Variants in ARNT2 observed in about 807,000 individuals in gnomAD.
ARNT2 encodes the protein ARNT protein 2.
Under a neutral mutation model 91.7 loss-of-function variants are expected in ARNT2, and 36 were observed. That is an observed-to-expected ratio of 0.39 (90% confidence interval 0.30 to 0.52). The LOEUF (loss-of-function observed/expected upper bound fraction) is 0.52. Among genes scored for constraint, ARNT2 ranks in the 20% least tolerant of loss-of-function variants. The probability of loss-of-function intolerance (pLI) is 0.72; values close to 1 mark genes in which losing one functional copy is unlikely to be tolerated. For synonymous variants in ARNT2, 365 were observed against 347.1 expected (o/e 1.05, Z -0.57); for missense variants, 775 against 939.3 (o/e 0.83, Z 2.29).
chr15:80,484,305 G>T (rs1315307783), intron 5 of ARNT2, among the ~76,000 whole-genome samples: 2 of 152,182 alleles, frequency 1.3e-5, no homozygotes, highest in Non-Finnish European at 2.9e-5. Context: ...TTTGACTTAG[G>T]CCCCTTGAAA....
intron 12 of ARNT2, among the ~76,000 whole-genome samples, chr15:80,566,325 T>C (rs561808778): frequency 2.6e-5 from 4 of 152,270 alleles, no homozygotes; most frequent in Middle Eastern, 3.4e-3. Context: ...GTGATTCTCT[T>C]CCTGTTCATG....
At chr15:80,425,319 GTT>G (rs1895917813) in intron 1 of ARNT2, among the ~76,000 whole-genome samples, 1 of 151,962 alleles carries the variant, frequency 6.6e-6, no homozygotes, top group Non-Finnish European at 1.5e-5. Context: ...TTTTGTTTTT[GTT>G]TTTGTTTTTT....
intron 17 of ARNT2, among the ~76,000 whole-genome samples, chr15:80,590,242 T>C (rs2141488119): frequency 6.6e-6 from 1 of 152,208 alleles, no homozygotes; most frequent in East Asian, 1.9e-4. Flanking sequence ...ACCCAGAGCT[T>C]GACAGAGAGC....
At chr15:80,441,288 T>A (rs1226235856) in intron 1 of ARNT2, 5 of 984,816 alleles carry the variant, frequency 5.1e-6, no homozygotes, top group Non-Finnish European at 4.8e-6. Flanking sequence ...CTCCCAGAGG[T>A]TTCTGACATT....
intron 1 of ARNT2, among the ~76,000 whole-genome samples, chr15:80,449,310 G>C (rs923540590): frequency 1.3e-5 from 2 of 152,192 alleles, no homozygotes; most frequent in Non-Finnish European, 2.9e-5. Context: ...ATTGTCATCT[G>C]TCTTTGCTGT....
chr15:80,456,698 G>T (rs1896486626), intron 2 of ARNT2, among the ~76,000 whole-genome samples: 1 of 152,114 alleles, frequency 6.6e-6, no homozygotes, highest in Admixed American at 6.5e-5. Flanking sequence ...GGTAACCTGG[G>T]TGTCCTGTGC....
At chr15:80,578,312 A>C (rs1032441957) in intron 15 of ARNT2, among the ~76,000 whole-genome samples, 6 of 152,128 alleles carry the variant, frequency 3.9e-5, no homozygotes, top group African/African-American at 1.4e-4. Flanking sequence ...CCTCCTGACC[A>C]GGGCAGGGGT....
chr15:80,491,650 A>G (rs534010049), intron 5 of ARNT2, among the ~76,000 whole-genome samples: 2 of 152,254 alleles, frequency 1.3e-5, no homozygotes, highest in South Asian at 2.1e-4. Flanking sequence ...TTGCATTTTT[A>G]TATAGAAAGA....
intron 1 of ARNT2, among the ~76,000 whole-genome samples, chr15:80,448,627 A>G (rs927775981): frequency 6.6e-6 from 1 of 152,240 alleles, no homozygotes; most frequent in African/African-American, 2.4e-5. Flanking sequence ...AACAATGGCT[A>G]AGATCTCTTC....
intron 5 of ARNT2, among the ~76,000 whole-genome samples, chr15:80,505,671 T>C (rs939973717): frequency 6.6e-6 from 1 of 152,202 alleles, no homozygotes; most frequent in Admixed American, 6.5e-5. Flanking sequence ...AGGCAGGACT[T>C]AAAGCTAGGT....
intron 8 of ARNT2, among the ~76,000 whole-genome samples, chr15:80,544,308 A>G (rs927562642): frequency 6.6e-6 from 1 of 152,146 alleles, no homozygotes; most frequent in South Asian, 2.1e-4. Flanking sequence ...ACATTGTGAA[A>G]TTTAAGTTGC....
chr15:80,489,293 T>C (rs1196029676), intron 5 of ARNT2, among the ~76,000 whole-genome samples: 2 of 152,258 alleles, frequency 1.3e-5, no homozygotes, highest in South Asian at 4.1e-4. Context: ...CTTTCCTGTT[T>C]ATTGCTTTTT....
chr15:80,408,676 A>C (rs577549593), intron 1 of ARNT2, among the ~76,000 whole-genome samples: 8 of 152,298 alleles, frequency 5.3e-5, no homozygotes, highest in Non-Finnish European at 1.0e-4. Context: ...AGCTGGACAT[A>C]CAGTTGAGCC....
chr15:80,442,984 C>T, intron 1 of ARNT2: 1 of 985,452 alleles, frequency 1.0e-6, no homozygotes, highest in Non-Finnish European at 1.2e-6. Context: ...CATCTCTCAC[C>T]TGGACTGCTG....
chr15:80,432,699 G>C (rs1396529329), intron 1 of ARNT2, among the ~76,000 whole-genome samples: 1 of 151,952 alleles, frequency 6.6e-6, no homozygotes, highest in Non-Finnish European at 1.5e-5. Context: ...AGGCCTCTGA[G>C]AGACACAACA....
rs1206209428 is a variant in ARNT2, at chr15:80,595,639, C to T, written c.*1941C>T. The T allele has an allele frequency of 6.6e-6, 1 of 152,294 alleles. No individual in the cohort carries two copies. Among genetic ancestry groups the T allele is most frequent in the Non-Finnish European group, 1.5e-5 (1 of 68,068 alleles). 9.4% of individuals were successfully genotyped at this position (152,294 alleles called of 1,614,324 possible). ...GCAGTTCCTAGACTCTAACTTAACC[C>T]CAACTTTGCAGTTTCTAGAGCTTTT... On this transcript the variant is annotated 3_prime_UTR_variant, in exon 19 of 19. Coordinates refer to ENST00000303329, the MANE Select transcript of ARNT2 (RefSeq NM_014862.4).
chr15:80,463,741 G>C (rs1227647520), intron 3 of ARNT2, among the ~76,000 whole-genome samples: 1 of 152,014 alleles, frequency 6.6e-6, no homozygotes. Flanking sequence ...ACCGCGCCCG[G>C]CTAATTTTTT....
At chr15:80,506,272 C>T (rs1223091258) in intron 5 of ARNT2, among the ~76,000 whole-genome samples, 2 of 152,228 alleles carry the variant, frequency 1.3e-5, no homozygotes, top group Non-Finnish European at 2.9e-5. Context: ...AGATTCCATT[C>T]AAGGGATGCC....
intron 12 of ARNT2, among the ~76,000 whole-genome samples, chr15:80,570,547 A>G (rs1169272207): frequency 2.0e-5 from 3 of 152,128 alleles, no homozygotes; most frequent in Admixed American, 1.3e-4. Context: ...TGAAATATCA[A>G]TTTGTTTGGA....
Sources: gnomAD v4.1 joint callset for allele counts (sites outside exome capture counted in the v4.1 genomes callset) on GRCh38, gnomAD v4.1.1 for gene constraint, MANE v1.5 for transcripts, NCBI Gene and HGNC (gene_info 2026-07-23, HGNC 2026-07-21) for gene names.